The following DPP6 variants were observed in gnomAD, a reference collection of about 807,000 sequenced individuals.
DPP6 encodes the protein A-type potassium channel modulatory protein DPP6.
In DPP6, 69 loss-of-function variants were observed where a neutral mutation model predicts 122.6. That is an observed-to-expected ratio of 0.56 (90% CI 0.46 to 0.69). The LOEUF (loss-of-function observed/expected upper bound fraction) is 0.69, where lower values mean the gene tolerates loss of function less well. DPP6 is among the 30% of genes least tolerant of loss of function. DPP6 has a pLI of 0.00. For synonymous variants in DPP6, 418 were observed against 433.1 expected, an observed-to-expected ratio of 0.97 and a Z score of 0.43; for missense variants, 928 against 1,116.9, an observed-to-expected ratio of 0.83 and a Z score of 2.41.
At position 154,196,727 on chromosome 7, in the gene DPP6, A is replaced by C. The variant is rs373060405; in HGVS notation, c.243+143664A>C. 1.8e-4 allele frequency among the ~76,000 whole-genome samples: 28 copies of C among 152,242 alleles called. 1 individual carries two copies. The highest frequency in any genetic ancestry group is 6.7e-4 in the African/African-American group (28 of 41,558). ...TTAACCTGAAAACATCGATGTCATC[A>C]TCCCTCAGCCCTGCTCAGAAAGCTG... On this transcript the variant is annotated intron_variant, in intron 1 of 25. Coordinates refer to ENST00000377770, the MANE Select transcript of DPP6 (RefSeq NM_130797.4).
intron 7 of DPP6, among the ~76,000 whole-genome samples, chr7:154,687,792 A>AT (rs907773572): frequency 5.9e-5 from 9 of 151,992 alleles, no homozygotes; most frequent in Non-Finnish European, 1.2e-4. Flanking sequence ...ATCTTGTAAC[A>AT]TTTTTTTACT....
At chr7:154,428,774 C>T (rs2151247765) in intron 1 of DPP6, among the ~76,000 whole-genome samples, 1 of 152,252 alleles carries the variant, frequency 6.6e-6, no homozygotes, top group Middle Eastern at 3.4e-3. Flanking sequence ...GTTATGTTCT[C>T]ACTTACAAGT....
intron 5 of DPP6, among the ~76,000 whole-genome samples, chr7:154,580,707 G>A (rs756966019): frequency 1.3e-5 from 2 of 152,150 alleles, no homozygotes; most frequent in African/African-American, 2.4e-5. Context: ...AGGGAAGGCC[G>A]ACGGAGAAGA....
At chr7:154,514,583 C>T (rs1342040310) in intron 3 of DPP6, among the ~76,000 whole-genome samples, 2 of 152,150 alleles carry the variant, frequency 1.3e-5, no homozygotes, top group South Asian at 4.1e-4. Flanking sequence ...ATTCTACTTC[C>T]TGTCTCTGTG....
intron 1 of DPP6, among the ~76,000 whole-genome samples, chr7:154,236,231 G>T (rs542440571): frequency 6.6e-6 from 1 of 152,222 alleles, no homozygotes; most frequent in African/African-American, 2.4e-5. Context: ...AATTTGGTAA[G>T]CCATTAAATC....
intron 1 of DPP6, among the ~76,000 whole-genome samples, chr7:154,366,984 T>C (rs1289352692): frequency 1.3e-5 from 2 of 152,176 alleles, no homozygotes; most frequent in Non-Finnish European, 2.9e-5. Flanking sequence ...TGAGATGCTC[T>C]TCGATGTCAC....
intron 1 of DPP6, among the ~76,000 whole-genome samples, chr7:153,992,474 G>GT (rs1327013992): frequency 1.3e-5 from 2 of 151,706 alleles, no homozygotes; most frequent in African/African-American, 2.4e-5. Flanking sequence ...TGTAAGTGTG[G>GT]TGTCCTATAA....
At chr7:154,081,601 G>A (rs1448157062) in intron 1 of DPP6, among the ~76,000 whole-genome samples, 10 of 148,532 alleles carry the variant, frequency 6.7e-5, no homozygotes, top group Non-Finnish European at 1.0e-4. Context: ...TAGGAAAGGC[G>A]GGCCTTGGTT....
At chr7:154,733,839 A>G (rs2131385258) in intron 8 of DPP6, among the ~76,000 whole-genome samples, 1 of 152,330 alleles carries the variant, frequency 6.6e-6, no homozygotes, top group Middle Eastern at 3.4e-3. Flanking sequence ...AACTCTCTAA[A>G]TCCCATGAAA....
chr7:154,880,752 G>GAATGC (rs1805322151), intron 20 of DPP6, 136 bp from the exon 21 acceptor site: 2 of 1,434,570 alleles, frequency 1.4e-6, no homozygotes, highest in African/African-American at 2.9e-5. Context: ...AATTATATTG[G>GAATGC]AATGCTAAGG....
chr7:154,549,712 T>C (rs1232310289), intron 4 of DPP6, among the ~76,000 whole-genome samples: 1 of 152,132 alleles, frequency 6.6e-6, no homozygotes, highest in Non-Finnish European at 1.5e-5. Context: ...TCCCAAGAAG[T>C]CATGTCCCTG....
At chr7:154,664,972 C>CCAATT in intron 6 of DPP6, among the ~76,000 whole-genome samples, 1 of 152,116 alleles carries the variant, frequency 6.6e-6, no homozygotes, top group Non-Finnish European at 1.5e-5. Context: ...TTGAATTCTA[C>CCAATT]CAATTTTTCT....
At chr7:154,641,296 T>C (rs983928189) in intron 6 of DPP6, among the ~76,000 whole-genome samples, 6 of 152,198 alleles carry the variant, frequency 3.9e-5, no homozygotes, top group Non-Finnish European at 7.3e-5. Flanking sequence ...CTTCCAAAAA[T>C]TGTATTCTTA....
At chr7:154,558,343 A>G (rs1250081193) in intron 4 of DPP6, among the ~76,000 whole-genome samples, 1 of 152,136 alleles carries the variant, frequency 6.6e-6, no homozygotes, top group Non-Finnish European at 1.5e-5. Flanking sequence ...CAATTACAGA[A>G]CTCTGTTAGA....
chr7:154,219,178 G>T lies in DPP6; in HGVS notation c.243+166115G>T, dbSNP rs762072195. Among the ~76,000 whole-genome samples the T allele has an allele frequency of 2.6e-5, 4 of 152,174 alleles. 1 individual carries two copies. The highest frequency in any genetic ancestry group is 4.1e-4 in the South Asian group (2 of 4,826). ...TTAGCATGATATGAAGCCCTTGTCTGCCATCCTCTTGACCTTCATCCCCAG... is the reference window on the plus strand; with the variant it reads ...TTAGCATGATATGAAGCCCTTGTCTTCCATCCTCTTGACCTTCATCCCCAG... On this transcript the variant is annotated intron_variant, in intron 1 of 25. Transcript: ENST00000377770.
At chr7:154,872,816 AAACAT>A (rs1804510034) in intron 19 of DPP6, 123 bp downstream of exon 19, 1 of 1,512,434 alleles carries the variant, frequency 6.6e-7, no homozygotes, top group Non-Finnish European at 8.9e-7. Context: ...TGCAAACTGA[AAACAT>A]AACATCGTTT....
At chr7:154,188,799 A>G (rs1407503282) in intron 1 of DPP6, among the ~76,000 whole-genome samples, 1 of 152,254 alleles carries the variant, frequency 6.6e-6, no homozygotes, top group Non-Finnish European at 1.5e-5. Flanking sequence ...CTATATTTAC[A>G]TATTTCGATA....
At chr7:153,970,145 A>T (rs1795955084) in intron 1 of DPP6, among the ~76,000 whole-genome samples, 1 of 152,232 alleles carries the variant, frequency 6.6e-6, no homozygotes, top group Admixed American at 6.5e-5. Context: ...ATGAACACTC[A>T]TGCATAGGCA....
intron 1 of DPP6, among the ~76,000 whole-genome samples, chr7:153,968,211 G>C (rs571749302): frequency 6.9e-5 from 10 of 144,110 alleles, no homozygotes; most frequent in Admixed American, 6.7e-4. Context: ...AGCATTTGTT[G>C]TTATTTGACT....
Sources: gnomAD v4.1 joint callset for allele counts (sites outside exome capture counted in the v4.1 genomes callset) on GRCh38, gnomAD v4.1.1 for gene constraint, MANE v1.5 for transcripts, NCBI Gene and HGNC (gene_info 2026-07-23, HGNC 2026-07-21) for gene names.